Variants in CTNNA1 observed in about 807,000 individuals in gnomAD.
The protein encoded by CTNNA1 is catenin alpha 1.
CTNNA1 carries 37 observed loss-of-function variants against 98.4 expected under a neutral mutation model. The ratio of observed to expected loss-of-function variants is 0.38; its 90% CI spans 0.29 to 0.49. The LOEUF (loss-of-function observed/expected upper bound fraction) is 0.49, where lower values mean the gene tolerates loss of function less well. CTNNA1 is among the 20% of genes least tolerant of loss of function. The pLI, the probability that CTNNA1 is intolerant of heterozygous loss-of-function variation, is 0.95. For synonymous variants in CTNNA1, 404 were observed against 413.2 expected (o/e 0.98, Z 0.27); for missense variants, 761 against 1,147.2 (o/e 0.66, Z 4.86).
intron 1 of CTNNA1, among the ~76,000 whole-genome samples, chr5:138,759,647 G>A (rs1055762909): frequency 6.6e-6 from 1 of 152,096 alleles, no homozygotes; most frequent in Non-Finnish European, 1.5e-5. Flanking sequence ...ATTAGAATAC[G>A]GATCCCTAAT....
At chr5:138,877,885 T>A (rs545667839) in intron 7 of CTNNA1, among the ~76,000 whole-genome samples, 37 of 152,322 alleles carry the variant, frequency 2.4e-4, no homozygotes, top group Non-Finnish European at 4.6e-4. Context: ...CGTTAGTTCC[T>A]TGGGGAGAAA....
intron 8 of CTNNA1, 95 bp downstream of exon 8, chr5:138,886,387 TGAGA>T (rs1373201909): frequency 1.0e-5 from 13 of 1,296,676 alleles, no homozygotes; most frequent in African/African-American, 1.5e-5. Context: ...ATTTTTTTAT[TGAGA>T]GAAAGGATGG....
At chr5:138,808,380 T>C (rs531921300) in intron 3 of CTNNA1, among the ~76,000 whole-genome samples, 3 of 152,280 alleles carry the variant, frequency 2.0e-5, no homozygotes, top group Admixed American at 2.0e-4. Flanking sequence ...TACCAGAAGA[T>C]ACTAGCATTA....
chr5:138,758,903 A>C (rs1339032316), intron 1 of CTNNA1, among the ~76,000 whole-genome samples: 10 of 151,270 alleles, frequency 6.6e-5, no homozygotes, highest in African/African-American at 2.4e-4. Flanking sequence ...TCCTGGCTTT[A>C]AGCGATTCTC....
chr5:138,883,634 G>A (rs1459169395), intron 7 of CTNNA1, among the ~76,000 whole-genome samples: 1 of 152,116 alleles, frequency 6.6e-6, no homozygotes, highest in African/African-American at 2.4e-5. Flanking sequence ...AGGTTGTAGG[G>A]GATTGGGCTT....
At chr5:138,850,340 CTA>C (rs1763079565) in intron 7 of CTNNA1, among the ~76,000 whole-genome samples, 1 of 152,158 alleles carries the variant, frequency 6.6e-6, no homozygotes. Context: ...GCAATGAACT[CTA>C]TGAAGCTCAC....
At chr5:138,877,157 T>C (rs893721416) in intron 7 of CTNNA1, among the ~76,000 whole-genome samples, 2 of 152,330 alleles carry the variant, frequency 1.3e-5, no homozygotes, top group African/African-American at 4.8e-5. Context: ...TCCTTCTTGC[T>C]GGTTAAAGAA....
intron 1 of CTNNA1, among the ~76,000 whole-genome samples, chr5:138,779,036 G>T (rs1006430541): frequency 6.6e-6 from 1 of 152,042 alleles, no homozygotes; most frequent in African/African-American, 2.4e-5. Context: ...CCGCCACTAC[G>T]CCTGGCTAAT....
chr5:138,795,296 A>C (rs1756834144), intron 3 of CTNNA1, among the ~76,000 whole-genome samples: 1 of 152,042 alleles, frequency 6.6e-6, no homozygotes, highest in Non-Finnish European at 1.5e-5. Context: ...CCCGTCTACT[A>C]AAAATATAAA....
intron 9 of CTNNA1, among the ~76,000 whole-genome samples, chr5:138,889,403 G>C (rs1246943434): frequency 6.6e-6 from 1 of 152,092 alleles, no homozygotes; most frequent in African/African-American, 2.4e-5. Context: ...CTCAGGTAAG[G>C]AAACAGGTTT....
intron 7 of CTNNA1, among the ~76,000 whole-genome samples, chr5:138,858,598 T>TTCTTTTTC (rs796546348): frequency 7.3e-6 from 1 of 136,394 alleles, no homozygotes; most frequent in Non-Finnish European, 1.6e-5. Context: ...CTTTTTCTTT[T>TTCTTTTTC]TTTTTTTTTT....
chr5:138,925,449 A>G, intron 13 of CTNNA1, 42 bp downstream of exon 13: 1 of 1,598,316 alleles, frequency 6.3e-7, no homozygotes. Context: ...CTTCTTTCTT[A>G]TCATTTGCTA....
At position 138,924,599 on chromosome 5, in the gene CTNNA1, C is replaced by T. The variant is rs1763609978; in HGVS notation, c.1636C>T (p.Arg546Ter). 2.5e-6 allele frequency: 4 copies of T among 1,614,162 alleles called. No homozygotes were observed. Among genetic ancestry groups the T allele is most frequent in the Non-Finnish European group, 3.4e-6 (4 of 1,180,032 alleles). Reference sequence around the variant, plus strand: ...CCTGGACCGCACAGCTGGTGCAATTCGAGGCCGGGCAGCCCGGGTCATTCA... The same window carrying T: ...CCTGGACCGCACAGCTGGTGCAATTTGAGGCCGGGCAGCCCGGGTCATTCA... ...DGLDRTAGAI[R>*]GRAARVIHVV... Residue 546 changes from arginine (R) to a stop codon, truncating the protein, a stop_gained, in exon 12 of 18, where the codon CGA becomes TGA. Transcript: ENST00000302763. LOFTEE classifies it high-confidence loss of function.
At chr5:138,792,056 T>C (rs1231306489) in intron 3 of CTNNA1, among the ~76,000 whole-genome samples, 1 of 152,124 alleles carries the variant, frequency 6.6e-6, no homozygotes, top group East Asian at 1.9e-4. Flanking sequence ...ATGAGAGTTC[T>C]TAATTGATGT....
chr5:138,777,988 C>CTTT lies in CTNNA1; in HGVS notation c.-2-3914_-2-3912dup, dbSNP rs777826985. On this transcript the variant is annotated intron_variant, in intron 1 of 17. Coordinates refer to ENST00000302763, the MANE Select transcript of CTNNA1 (RefSeq NM_001903.5). ...GGAGGGGAAATGTTTCTTAATCTGT[C>CTTT]TTTTTTTTTTTTTTTTTTTTTTTAA... 3.7e-3 allele frequency among the ~76,000 whole-genome samples: 55 copies of CTTT among 14,856 alleles called. 19 individuals are homozygous for CTTT. Among genetic ancestry groups the CTTT allele is most frequent in the African/African-American group, 0.011 (37 of 3,358 alleles). The allele number at this position is 14,856 out of a possible 152,430, so 9.7% of individuals were successfully genotyped here. A position where few individuals can be genotyped will look rare whatever the true frequency, so the allele number is the denominator to read the frequency against.
At chr5:138,841,176 C>T (rs1255357537) in intron 7 of CTNNA1, among the ~76,000 whole-genome samples, 1 of 152,202 alleles carries the variant, frequency 6.6e-6, no homozygotes, top group Admixed American at 6.5e-5. Flanking sequence ...TTGTTCATAT[C>T]TGATGACTGC....
At chr5:138,771,936 AT>A (rs1268061335) in intron 1 of CTNNA1, among the ~76,000 whole-genome samples, 1 of 152,156 alleles carries the variant, frequency 6.6e-6, no homozygotes, top group East Asian at 1.9e-4. Flanking sequence ...TAAAAAAAAA[AT>A]TGGCATTGAG....
intron 5 of CTNNA1, among the ~76,000 whole-genome samples, chr5:138,824,119 GTTTGT>G (rs1319967249): frequency 1.3e-5 from 2 of 152,094 alleles, no homozygotes; most frequent in African/African-American, 2.4e-5. Context: ...ATGCTAGGCA[GTTTGT>G]TTTGTCTTTT....
chr5:138,871,486 A>G (rs1211837964), intron 7 of CTNNA1: 1 of 152,238 alleles, frequency 6.6e-6, no homozygotes, highest in Non-Finnish European at 1.5e-5. Flanking sequence ...TGCATGAAAA[A>G]TGTGGCATCC....
Sources: gnomAD v4.1 joint callset for allele counts (sites outside exome capture counted in the v4.1 genomes callset) on GRCh38, gnomAD v4.1.1 for gene constraint, MANE v1.5 for transcripts, NCBI Gene and HGNC (gene_info 2026-07-23, HGNC 2026-07-21) for gene names.